NFIC: variants seen among roughly 807,000 people sequenced by gnomAD.
NFIC encodes the protein nuclear factor I C.
A neutral mutation model predicts 54.4 loss-of-function variants in NFIC; 12 were observed. The observed-to-expected ratio is 0.22, with a 90% CI of 0.14 to 0.36. The LOEUF (loss-of-function observed/expected upper bound fraction) is 0.36. NFIC is among the 10% of genes least tolerant of loss of function. The pLI is 1.00. For synonymous variants in NFIC, 322 were observed against 319.2 expected (o/e 1.01, Z -0.09); for missense variants, 575 against 718.2 (o/e 0.80, Z 2.28).
chr19:3,423,474 G>A (rs1346016018), intron 2 of NFIC, among the ~76,000 whole-genome samples: 1 of 152,002 alleles, frequency 6.6e-6, no homozygotes, highest in Non-Finnish European at 1.5e-5. Context: ...TGCGGCTTTC[G>A]ACGTTGGTTG....
intron 6 of NFIC, among the ~76,000 whole-genome samples, chr19:3,448,461 C>G (rs1268630783): frequency 1.3e-5 from 2 of 152,116 alleles, no homozygotes; most frequent in Non-Finnish European, 2.9e-5. Flanking sequence ...TCCCAGGCAG[C>G]CTGGGAGGTA....
At chr19:3,406,819 C>T (rs149285580) in intron 2 of NFIC, among the ~76,000 whole-genome samples, 82 of 152,274 alleles carry the variant, frequency 5.4e-4, no homozygotes, top group African/African-American at 2.0e-3. Flanking sequence ...GAGCTGTGGA[C>T]GATAAACCAC....
At chr19:3,462,628 A>G in intron 10 of NFIC, 124 bp from the exon 11 acceptor site, 2 of 1,094,514 alleles carry the variant, frequency 1.8e-6, no homozygotes, top group Non-Finnish European at 2.7e-6. Flanking sequence ...AACTGAGGTC[A>G]CAGGGTTGCA....
rs895187814 is a variant in NFIC, at chr19:3,452,302, G to A, written c.1085-180G>A. ...ATATCACAGCCCCAGTGGGGTTGCC[G>A]TGGGAGTCGGGGAATTTGGGTGTCA... is the stretch of plus-strand genomic sequence containing the variant. On this transcript the variant is annotated intron_variant, in intron 7 of 10. Transcript: ENST00000443272. This position sits in a 1 kb window ranked among gnomAD's most constrained non-coding sequence, Gnocchi z 5.3. Among the ~76,000 whole-genome samples the A allele has an allele frequency of 2.6e-5, 4 of 152,084 alleles. No homozygotes were observed. Among genetic ancestry groups the A allele is most frequent in the Admixed American group, 6.6e-5 (1 of 15,260 alleles).
At chr19:3,421,477 C>T (rs2081952765) in intron 2 of NFIC, among the ~76,000 whole-genome samples, 2 of 152,242 alleles carry the variant, frequency 1.3e-5, no homozygotes, top group African/African-American at 4.8e-5. Context: ...GGATCGGCTG[C>T]AGGGCTTGGG....
At chr19:3,408,754 A>G (rs1599634552) in intron 2 of NFIC, among the ~76,000 whole-genome samples, 1 of 152,146 alleles carries the variant, frequency 6.6e-6, no homozygotes, top group African/African-American at 2.4e-5. Context: ...GGCGACCGCC[A>G]CCACACCTGG....
chr19:3,464,076 C>G lies in NFIC; in HGVS notation c.*1307C>G. The G allele has an allele frequency of 1.0e-6, 1 of 977,590 alleles. No homozygotes were observed. The highest frequency in any genetic ancestry group is 1.2e-6 in the Non-Finnish European group (1 of 828,902). 60.6% of individuals were successfully genotyped at this position (977,590 alleles called of 1,614,324 possible). ...GGTGGGCTCTGGGGAAGCCGGTGCG[C>G]CCCCCACGCCTCCGCTGCCAGTGCC... On this transcript the variant is annotated 3_prime_UTR_variant, in exon 11 of 11. Transcript: ENST00000443272.
At chr19:3,446,038 G>C (rs1166165321) in intron 6 of NFIC, among the ~76,000 whole-genome samples, 1 of 151,582 alleles carries the variant, frequency 6.6e-6, no homozygotes, top group African/African-American at 2.4e-5. Flanking sequence ...TACAGAGACC[G>C]ATCTGGCCCC....
intron 2 of NFIC, among the ~76,000 whole-genome samples, chr19:3,391,696 C>T (rs2081379504): frequency 6.6e-6 from 1 of 152,050 alleles, no homozygotes; most frequent in Non-Finnish European, 1.5e-5. Flanking sequence ...ACTTGGGAGG[C>T]TGAGGCAGGA....
chr19:3,451,630 CTT>C lies in NFIC; in HGVS notation c.1085-851_1085-850del, dbSNP rs1180736805. Among the ~76,000 whole-genome samples, 1,030 of 133,270 alleles carry C rather than the reference CTT, an allele frequency of 7.7e-3. 19 individuals are homozygous for C. The highest frequency in any genetic ancestry group is 0.033 in the African/African-American group (971 of 29,626). The allele number at this position is 133,270 out of a possible 152,430, so 87.4% of individuals were successfully genotyped here. A position where few individuals can be genotyped will look rare whatever the true frequency, so the allele number is the denominator to read the frequency against. On this transcript the variant is annotated intron_variant, in intron 7 of 10. Coordinates refer to ENST00000443272, the MANE Select transcript of NFIC (RefSeq NM_001245002.2). ...TGGGTGACAAAGCGAGATTCTATCT[CTT>C]AAAAAAAAAAAAAAAAGATCACTAT...
chr19:3,460,913 T>C (rs1219199409), intron 10 of NFIC, among the ~76,000 whole-genome samples: 1 of 149,554 alleles, frequency 6.7e-6, no homozygotes, highest in Non-Finnish European at 1.5e-5. Context: ...TAAGCTGAGG[T>C]CAGGAGTTTG....
At chr19:3,376,474 A>T (rs570464910) in intron 1 of NFIC, among the ~76,000 whole-genome samples, 1 of 150,846 alleles carries the variant, frequency 6.6e-6, no homozygotes, top group African/African-American at 2.4e-5. Flanking sequence ...AGAAAATAGA[A>T]AATATCCCAG....
chr19:3,420,423 G>C (rs958793549), intron 2 of NFIC, among the ~76,000 whole-genome samples: 2 of 151,936 alleles, frequency 1.3e-5, no homozygotes, highest in Non-Finnish European at 2.9e-5. Flanking sequence ...GTGGTGGCAC[G>C]TGCCTGTAAT....
chr19:3,464,769 C>T lies in NFIC; in HGVS notation c.*2000C>T. The T allele has an allele frequency of 1.0e-6, 1 of 955,602 alleles. No individual in the cohort carries two copies. The highest frequency in any genetic ancestry group is 1.2e-6 in the Non-Finnish European group (1 of 802,704). 59.2% of individuals were successfully genotyped at this position (955,602 alleles called of 1,614,324 possible). A position where few individuals can be genotyped will look rare whatever the true frequency, so the allele number is the denominator to read the frequency against. On this transcript the variant is annotated 3_prime_UTR_variant, in exon 11 of 11. Transcript: ENST00000443272. Reference sequence around the variant, plus strand: ...CCCCATCACCCCCAAGAGAGGTTCGCCATCCTCTGGCCTCGAGCCCTTGGT... The same window carrying T: ...CCCCATCACCCCCAAGAGAGGTTCGTCATCCTCTGGCCTCGAGCCCTTGGT...
At chr19:3,396,301 C>G (rs1454344693) in intron 2 of NFIC, among the ~76,000 whole-genome samples, 2 of 151,896 alleles carry the variant, frequency 1.3e-5, no homozygotes, top group South Asian at 4.2e-4. Flanking sequence ...GAAACCCCGT[C>G]TCTACTAAAA....
upstream of NFIC, chr19:3,366,545 G>C (rs1288045763): frequency 7.7e-6 from 4 of 520,262 alleles, no homozygotes; most frequent in South Asian, 2.8e-5. Context: ...GGGGGGGGGG[G>C]TTGGGGGGGG....
rs1478429685 is a variant in NFIC, at chr19:3,464,513, G to A, written c.*1744G>A. On this transcript the variant is annotated 3_prime_UTR_variant, in exon 11 of 11. Coordinates refer to ENST00000443272, the MANE Select transcript of NFIC (RefSeq NM_001245002.2). The stretch of plus-strand genomic sequence containing the variant: ...TTAGGGCCACCGAGCTCAAACACAA[G>A]GACCCCTCCCCGGCCCACCCAGCCC... 1 of 979,492 alleles carries A rather than the reference G, an allele frequency of 1.0e-6. No homozygotes were observed. Among genetic ancestry groups the A allele is most frequent in the Non-Finnish European group, 1.2e-6 (1 of 827,776 alleles). The allele number at this position is 979,492 out of a possible 1,614,324, so 60.7% of individuals were successfully genotyped here. A position where few individuals can be genotyped will look rare whatever the true frequency, so the allele number is the denominator to read the frequency against.
At chr19:3,460,537 G>C (rs1231629290) in intron 10 of NFIC, among the ~76,000 whole-genome samples, 1 of 151,856 alleles carries the variant, frequency 6.6e-6, no homozygotes, top group Non-Finnish European at 1.5e-5. Flanking sequence ...TTTGTTTTGA[G>C]ACGGAGTCTT....
chr19:3,417,625 T>C (rs969610407), intron 2 of NFIC, among the ~76,000 whole-genome samples: 3 of 109,834 alleles, frequency 2.7e-5, no homozygotes, highest in African/African-American at 1.5e-4. Flanking sequence ...TTTTCTTTTC[T>C]TTTTTTTTTT....
Sources: allele counts gnomAD v4.1 joint callset (sites outside exome capture counted in the v4.1 genomes callset), GRCh38; gene constraint gnomAD v4.1.1; non-coding constraint Gnocchi (gnomAD v3.1); transcripts MANE v1.5; gene names NCBI Gene and HGNC (gene_info 2026-07-23, HGNC 2026-07-21).